RBFOX3: variants seen among roughly 807,000 people sequenced by gnomAD.
The protein encoded by RBFOX3 is RNA binding protein fox-1 homolog 3.
A neutral mutation model predicts 48.7 loss-of-function variants in RBFOX3; 17 were observed. The observed-to-expected ratio is 0.35, with a 90% CI of 0.24 to 0.52. RBFOX3 has a LOEUF of 0.52. Among genes scored for constraint, RBFOX3 ranks in the 20% least tolerant of loss-of-function variants. The pLI, the probability that RBFOX3 is intolerant of heterozygous loss-of-function variation, is 0.94. For synonymous variants in RBFOX3, 212 were observed against 209.5 expected, an observed-to-expected ratio of 1.01 and a Z score of -0.10; for missense variants, 382 against 497.5, an observed-to-expected ratio of 0.77 and a Z score of 2.21.
chr17:79,155,498 T>C (rs969981884), intron 4 of RBFOX3, among the ~76,000 whole-genome samples: 1 of 152,238 alleles, frequency 6.6e-6, no homozygotes, highest in African/African-American at 2.4e-5. Context: ...CAATTTTGTC[T>C]GCATTCAGCC....
chr17:79,639,926 G>T, the RBFOX3 span, among the ~76,000 whole-genome samples: 2 of 152,158 alleles, frequency 1.3e-5, no homozygotes, highest in African/African-American at 2.4e-5. Context: ...AGTAAAGGAT[G>T]CCCACTCCCA....
At chr17:79,366,821 G>A (rs983958377) in intron 2 of RBFOX3, among the ~76,000 whole-genome samples, 2 of 152,336 alleles carry the variant, frequency 1.3e-5, no homozygotes, top group Non-Finnish European at 2.9e-5. Context: ...CCCACCTGGA[G>A]CCCCTTCCGG....
intron 4 of RBFOX3, among the ~76,000 whole-genome samples, chr17:79,121,935 C>G (rs933124655): frequency 6.6e-6 from 1 of 152,194 alleles, no homozygotes; most frequent in Non-Finnish European, 1.5e-5. Flanking sequence ...CTTGCAGTCT[C>G]CACTTGGACA....
intron 1 of RBFOX3, among the ~76,000 whole-genome samples, chr17:79,568,564 C>T (rs1050541198): frequency 6.6e-6 from 1 of 152,172 alleles, no homozygotes; most frequent in African/African-American, 2.4e-5. Context: ...CCCTGACTCC[C>T]ACCACAACTA....
At chr17:79,597,165 G>A (rs902092423) in intron 1 of RBFOX3, among the ~76,000 whole-genome samples, 2 of 152,178 alleles carry the variant, frequency 1.3e-5, no homozygotes, top group Non-Finnish European at 2.9e-5. Flanking sequence ...CTGTGAGCTC[G>A]TGAGTTTGCC....
chr17:79,103,316 G>A lies in RBFOX3; in HGVS notation c.415-62C>T. The A allele has an allele frequency of 3.6e-6, 4 of 1,125,904 alleles. No individual in the cohort carries two copies. Among genetic ancestry groups the A allele is most frequent in the Admixed American group, 2.0e-5 (1 of 50,038 alleles). The allele number at this position is 1,125,904 out of a possible 1,614,324, so 69.7% of individuals were successfully genotyped here. ...GGAGGACACAGGGCGAGAAAGAGGA[G>A]GAAGACGAGGAAGAAGAGGAGTGGG... On this transcript the variant is annotated intron_variant, in intron 7 of 14. Transcript: ENST00000693108. This position sits in a 1 kb window ranked among gnomAD's most constrained non-coding sequence, Gnocchi z 6.1.
rs560153984 is a variant in RBFOX3, at chr17:79,090,629, C to T, written c.*254G>A. The T allele has an allele frequency of 1.9e-6, 1 of 513,372 alleles. No individual in the cohort carries two copies. The highest frequency in any genetic ancestry group is 2.0e-5 in the African/African-American group (1 of 51,184). The allele number at this position is 513,372 out of a possible 1,614,324, so 31.8% of individuals were successfully genotyped here. A position where few individuals can be genotyped will look rare whatever the true frequency, so the allele number is the denominator to read the frequency against. ...CCTGAGACGGAGGGGCGTGTTCCCA[C>T]TGTGCTGCCAGCCAGGACGCGGTGG... is the stretch of plus-strand genomic sequence containing the variant. On this transcript the variant is annotated 3_prime_UTR_variant, in exon 15 of 15. Coordinates refer to ENST00000693108, the MANE Select transcript of RBFOX3 (RefSeq NM_001350451.2).
chr17:79,663,526 G>C, the RBFOX3 span, among the ~76,000 whole-genome samples: 1 of 152,184 alleles, frequency 6.6e-6, no homozygotes, highest in African/African-American at 2.4e-5. Flanking sequence ...GTTTCCCCCA[G>C]AGAAGATTCT....
intron 1 of RBFOX3, among the ~76,000 whole-genome samples, chr17:79,528,758 C>T (rs2087213404): frequency 6.6e-6 from 1 of 151,992 alleles, no homozygotes; most frequent in Non-Finnish European, 1.5e-5. Context: ...CTGCTGGGAG[C>T]CACCAAAGCC....
intron 2 of RBFOX3, among the ~76,000 whole-genome samples, chr17:79,441,358 G>C (rs2070874215): frequency 6.6e-6 from 1 of 152,218 alleles, no homozygotes; most frequent in Admixed American, 6.5e-5. Flanking sequence ...TGGAAACAGG[G>C]TCTTTGCAGA....
chr17:79,353,898 AC>A (rs1375692419), intron 2 of RBFOX3, among the ~76,000 whole-genome samples: 2 of 151,930 alleles, frequency 1.3e-5, no homozygotes, highest in African/African-American at 4.8e-5. Flanking sequence ...CTGAGGTCCC[AC>A]CCCCGCGTTA....
At chr17:79,662,306 T>A in the RBFOX3 span, among the ~76,000 whole-genome samples, 1 of 151,856 alleles carries the variant, frequency 6.6e-6, no homozygotes, top group Admixed American at 6.6e-5. Context: ...GTATTTCTAG[T>A]AGAGACAGGG....
chr17:79,177,901 CCT>C (rs1442561567), intron 4 of RBFOX3, among the ~76,000 whole-genome samples: 6 of 152,226 alleles, frequency 3.9e-5, no homozygotes, highest in South Asian at 2.1e-4. Flanking sequence ...CTCTCCAGCC[CCT>C]GAGAAACACA....
intron 1 of RBFOX3, among the ~76,000 whole-genome samples, chr17:79,532,205 G>A (rs922489819): frequency 2.6e-5 from 4 of 151,778 alleles, no homozygotes; most frequent in African/African-American, 4.9e-5. Flanking sequence ...CTGGAGGGGG[G>A]AGGGGAGGAG....
intron 4 of RBFOX3, among the ~76,000 whole-genome samples, chr17:79,193,933 G>A (rs1331079296): frequency 6.6e-6 from 1 of 152,134 alleles, no homozygotes; most frequent in African/African-American, 2.4e-5. Context: ...GCCTGATGGT[G>A]GAGGAGGTGG....
At position 79,535,556 on chromosome 17, in the gene RBFOX3, G is replaced by A. The variant is rs1555788508; in HGVS notation, c.-319-52958C>T. The stretch of plus-strand genomic sequence containing the variant: ...ATGATCCACAGGCTGGAAGGGGCCC[G>A]GCTACCCCTCAAAGTTTCCTGGGCT... On this transcript the variant is annotated intron_variant, in intron 1 of 14. Transcript: ENST00000693108. The surrounding 1 kb of genome is among the most constrained non-coding windows in gnomAD (Gnocchi z 4.5). Among the ~76,000 whole-genome samples, 3 of 152,276 alleles carry A rather than the reference G, an allele frequency of 2.0e-5. No homozygotes were observed. The highest frequency in any genetic ancestry group is 3.9e-4 in the East Asian group (2 of 5,176).
At chr17:79,430,382 GA>G (rs1318460659) in intron 2 of RBFOX3, among the ~76,000 whole-genome samples, 1 of 151,988 alleles carries the variant, frequency 6.6e-6, no homozygotes, top group East Asian at 1.9e-4. Flanking sequence ...TCCGTAAATG[GA>G]AAACCCCTGC....
At chr17:79,161,475 C>T (rs961009696) in intron 4 of RBFOX3, among the ~76,000 whole-genome samples, 2 of 152,238 alleles carry the variant, frequency 1.3e-5, no homozygotes, top group African/African-American at 2.4e-5. Flanking sequence ...AAATACAATG[C>T]GTCTTCCTGC....
intron 2 of RBFOX3, among the ~76,000 whole-genome samples, chr17:79,326,952 G>C (rs1379772234): frequency 6.6e-6 from 1 of 152,238 alleles, no homozygotes; most frequent in Non-Finnish European, 1.5e-5. Context: ...CTAAGGCCCA[G>C]AGAGGTTAAG....
Sources: gnomAD v4.1 joint callset for allele counts (sites outside exome capture counted in the v4.1 genomes callset) on GRCh38, gnomAD v4.1.1 for gene constraint, Gnocchi (gnomAD v3.1) non-coding constraint, MANE v1.5 for transcripts, NCBI Gene and HGNC (gene_info 2026-07-23, HGNC 2026-07-21) for gene names.